Variants in ADGRF4 observed in about 807,000 individuals in gnomAD.
ADGRF4 encodes G-protein coupled receptor PGR18.
A neutral mutation model predicts 58.5 loss-of-function variants in ADGRF4; 63 were observed. The observed-to-expected ratio is 1.08, with a 90% CI of 0.88 to 1.33. ADGRF4 has a LOEUF of 1.33. ADGRF4 is among the 40% of genes most tolerant of loss of function. The pLI is 0.00. For missense variants in ADGRF4, 931 were observed against 843.9 expected, an observed-to-expected ratio of 1.10 and a Z score of -1.28; for synonymous variants, 313 against 295.4, an observed-to-expected ratio of 1.06 and a Z score of -0.61.
In ADGRF4 at chr6:47,718,107, C is replaced by T. The variant is rs148933755; in HGVS notation, c.2035-282C>T. 2.6e-5 allele frequency among the ~76,000 whole-genome samples: 4 copies of T among 152,182 alleles called. No individual in the cohort carries two copies. The East Asian group carries it at 5.8e-4, about 22-fold the overall frequency. On this transcript the variant is annotated intron_variant, in intron 8 of 9. Coordinates refer to ENST00000283303, the MANE Select transcript of ADGRF4 (RefSeq NM_153838.5). The stretch of plus-strand genomic sequence containing the variant: ...TCTATTCTAAGATAGGCATTTTCTT[C>T]GTCTTTTAACGTTTCTGAAATTGGA...
intron 1 of ADGRF4, among the ~76,000 whole-genome samples, chr6:47,699,927 C>CACACACACACACACACA (rs1192975005): frequency 4.9e-5 from 6 of 123,528 alleles, no homozygotes; most frequent in Middle Eastern, 4.0e-3. Flanking sequence ...CACACACAGA[C>CACACACACACACACACA]GACACACCCC....
At chr6:47,699,452 A>C (rs1771535962) in intron 1 of ADGRF4, among the ~76,000 whole-genome samples, 1 of 152,192 alleles carries the variant, frequency 6.6e-6, no homozygotes, top group Non-Finnish European at 1.5e-5. Flanking sequence ...TGGGCGTATA[A>C]ATTTCTTTAA....
chr6:47,712,715 A>C, intron 5 of ADGRF4, 107 bp downstream of exon 5: 1 of 746,778 alleles, frequency 1.3e-6, no homozygotes, highest in South Asian at 1.8e-5. Flanking sequence ...CAACCATCAA[A>C]GCAACAGCAG....
chr6:47,701,991 A>G (rs1421415941), intron 1 of ADGRF4, among the ~76,000 whole-genome samples: 1 of 152,134 alleles, frequency 6.6e-6, no homozygotes, highest in Admixed American at 6.5e-5. Context: ...GGTATGCACC[A>G]CCACGCCTGG....
intron 9 of ADGRF4, among the ~76,000 whole-genome samples, chr6:47,718,724 G>A (rs1362055622): frequency 6.6e-6 from 1 of 152,132 alleles, no homozygotes; most frequent in Non-Finnish European, 1.5e-5. Flanking sequence ...TCTTGTCAGT[G>A]AGTAATAACA....
At chr6:47,716,268 T>C (rs1038673329) in intron 6 of ADGRF4, among the ~76,000 whole-genome samples, 3 of 152,226 alleles carry the variant, frequency 2.0e-5, no homozygotes, top group African/African-American at 7.2e-5. Flanking sequence ...CTCCTTAGAT[T>C]GATAGTGAAA....
At position 47,715,077 on chromosome 6, in the gene ADGRF4, C is replaced by A; in HGVS notation, c.1832C>A (p.Thr611Asn). 6.2e-7 allele frequency: 1 copy of A among 1,613,106 alleles called. No individual in the cohort carries two copies. The change falls in exon 6 of 10, where the codon ACT (threonine) becomes AAT (asparagine). Residue 611 changes from threonine (T) to asparagine (N), a missense_variant. Thr to Asn is a moderately conservative substitution (Grantham distance 65, BLOSUM62 0). Transcript: ENST00000283303. Reference sequence around the variant, plus strand: ...ATCAGCAAAAATGTTGCCATCCTCACTCCACTGCTGGGACTGACCTGGGGT... The same window carrying A: ...ATCAGCAAAAATGTTGCCATCCTCAATCCACTGCTGGGACTGACCTGGGGT... ...MRISKNVAIL[T>N]PLLGLTWGFG... is the part of the protein sequence containing the mutation.
chr6:47,717,946 T>G (rs1263604259), intron 8 of ADGRF4, among the ~76,000 whole-genome samples: 1 of 152,220 alleles, frequency 6.6e-6, no homozygotes, highest in Non-Finnish European at 1.5e-5. Context: ...ACTACTTTAT[T>G]AATTAGAAGT....
At chr6:47,701,521 T>A (rs979433913) in intron 1 of ADGRF4, among the ~76,000 whole-genome samples, 3 of 152,248 alleles carry the variant, frequency 2.0e-5, no homozygotes, top group African/African-American at 7.2e-5. Flanking sequence ...AATTTATAAA[T>A]GACTAACCCT....
chr6:47,721,107 A>T (rs963971721), intron 9 of ADGRF4, 102 bp from the exon 10 acceptor site: 1 of 152,192 alleles, frequency 6.6e-6, no homozygotes, highest in African/African-American at 2.4e-5. Flanking sequence ...ATAATAGTAC[A>T]TGCCTCCCAG....
rs753036071 is a variant in ADGRF4 at position 47,713,976 on chromosome 6, G to C, written c.731G>C (p.Gly244Ala). 6.9e-6 allele frequency: 11 copies of C among 1,604,332 alleles called. No homozygotes were observed. The highest frequency in any genetic ancestry group is 5.6e-5 in the South Asian group (5 of 89,362). The change falls in exon 6 of 10, where the codon GGG becomes GCG. Residue 244 changes from glycine (G) to alanine (A), a missense_variant. Transcript: ENST00000283303. The stretch of plus-strand genomic sequence containing the variant: ...AATGAACTCTTCATTCAGACAAAAG[G>C]GTTTCACATCAACCATAATACCTCA... ...IVNELFIQTK[G>A]FHINHNTSEK...
rs1256739982 is a variant in ADGRF4 at position 47,713,970 on chromosome 6, C to A, written c.725C>A (p.Thr242Lys). Residue 242 changes from threonine to lysine, a missense_variant, in exon 6 of 10, where the codon ACA (threonine) becomes AAA (lysine). Transcript: ENST00000283303. ...ATTGTGAATGAACTCTTCATTCAGACAAAAGGGTTTCACATCAACCATAAT... is the reference window on the plus strand; with the variant it reads ...ATTGTGAATGAACTCTTCATTCAGAAAAAAGGGTTTCACATCAACCATAAT... The part of the protein sequence containing the change: ...ENIVNELFIQ[T>K]KGFHINHNTS... 1.2e-6 allele frequency: 2 copies of A among 1,604,596 alleles called. No homozygotes were observed. The highest frequency in any genetic ancestry group is 1.7e-6 in the Non-Finnish European group (2 of 1,175,506).
intron 3 of ADGRF4, among the ~76,000 whole-genome samples, chr6:47,710,000 T>A (rs565461870): frequency 6.6e-6 from 1 of 152,192 alleles, no homozygotes; most frequent in Non-Finnish European, 1.5e-5. Flanking sequence ...ATAAGCTTTG[T>A]TCAGGTATGA....
At chr6:47,699,475 A>C (rs942963225) in intron 1 of ADGRF4, among the ~76,000 whole-genome samples, 4 of 152,234 alleles carry the variant, frequency 2.6e-5, no homozygotes, top group Non-Finnish European at 4.4e-5. Context: ...TTTTATAAGT[A>C]TCAAGATAGT....
At chr6:47,705,373 G>A (rs1225024676) in intron 1 of ADGRF4, among the ~76,000 whole-genome samples, 1 of 152,138 alleles carries the variant, frequency 6.6e-6, no homozygotes, top group Non-Finnish European at 1.5e-5. Flanking sequence ...AATTGCTTAG[G>A]CCCATTCATC....
chr6:47,718,455 A>G lies in ADGRF4; in HGVS notation c.*3+10A>G, dbSNP rs978208712. 2 of 1,500,906 alleles carry G rather than the reference A, an allele frequency of 1.3e-6. No homozygotes were observed. The highest frequency in any genetic ancestry group is 3.3e-5 in the Admixed American group (2 of 59,854). 93.0% of individuals were successfully genotyped at this position (1,500,906 alleles called of 1,614,324 possible). A position where few individuals can be genotyped will look rare whatever the true frequency, so the allele number is the denominator to read the frequency against. On this transcript the variant is annotated intron_variant, in intron 9 of 9. Transcript: ENST00000283303. ...TCGTCAAGGATGAAATGTGAGTATT[A>G]AAAATATAAAGAGAAATTTCACTTG...
intron 1 of ADGRF4, among the ~76,000 whole-genome samples, 173 bp from the exon 2 acceptor site, chr6:47,707,057 A>G (rs1052123733): frequency 6.6e-6 from 1 of 152,196 alleles, no homozygotes; most frequent in African/African-American, 2.4e-5. Context: ...TCTTTCGTAC[A>G]TTTTAGCTGG....
At chr6:47,720,963 G>T (rs973488694) in intron 9 of ADGRF4, among the ~76,000 whole-genome samples, 2 of 152,142 alleles carry the variant, frequency 1.3e-5, no homozygotes, top group African/African-American at 4.8e-5. Flanking sequence ...CCGAGTTTAG[G>T]GTGGAAGGAG....
chr6:47,720,708 G>A (rs943344167), intron 9 of ADGRF4, among the ~76,000 whole-genome samples: 3 of 152,168 alleles, frequency 2.0e-5, no homozygotes, highest in Non-Finnish European at 4.4e-5. Context: ...CAAGCTGGCT[G>A]TTAGATTCCA....
Sources: gnomAD v4.1 joint callset for allele counts (sites outside exome capture counted in the v4.1 genomes callset) on GRCh38, gnomAD v4.1.1 for gene constraint, MANE v1.5 for transcripts, NCBI Gene and HGNC (gene_info 2026-07-23, HGNC 2026-07-21) for gene names.